The following PCDHA3 variants were observed in gnomAD, a reference collection of about 807,000 sequenced individuals.
PCDHA3 encodes protocadherin alpha 3.
In PCDHA3, 41 loss-of-function variants were observed where a neutral mutation model predicts 62.2. The observed-to-expected ratio is 0.66, with a 90% CI of 0.51 to 0.86. The LOEUF (loss-of-function observed/expected upper bound fraction) is 0.86, where lower values mean the gene tolerates loss of function less well. Among genes scored for constraint, PCDHA3 ranks in the 40% least tolerant of loss-of-function variants. The pLI is 0.00. For missense variants in PCDHA3, 1,304 were observed against 1,241.2 expected, an observed-to-expected ratio of 1.05 and a Z score of -0.76; for synonymous variants, 640 against 555.4, an observed-to-expected ratio of 1.15 and a Z score of -2.14.
chr5:140,916,469 T>C (rs1051023499), intron 1 of PCDHA3, among the ~76,000 whole-genome samples: 2 of 152,194 alleles, frequency 1.3e-5, no homozygotes, highest in African/African-American at 4.8e-5. Flanking sequence ...TGCTGGTTAT[T>C]TGGTGCCCAA....
At chr5:140,861,531 T>G (rs1219248238) in intron 1 of PCDHA3, 2 of 447,948 alleles carry the variant, frequency 4.5e-6, no homozygotes, top group Non-Finnish European at 9.2e-6. Flanking sequence ...GATCTCGGAG[T>G]GCAGCATCCA....
In PCDHA3 at chr5:141,010,341, T is replaced by C. The variant is rs199826290; in HGVS notation, c.*404T>C. ...GAGCAGCTTGGGAGTTTGTGGCCAC[T>C]GGGTATGTGTGGCTACCGCGGGTAT... is the stretch of plus-strand genomic sequence containing the variant. On this transcript the variant is annotated 3_prime_UTR_variant, in exon 4 of 4. Coordinates refer to ENST00000522353, the MANE Select transcript of PCDHA3 (RefSeq NM_018906.3). 1 of 1,503,238 alleles carries C rather than the reference T, an allele frequency of 6.7e-7. No homozygotes were observed. The highest frequency in any genetic ancestry group is 8.9e-7 in the Non-Finnish European group (1 of 1,119,606). The allele number at this position is 1,503,238 out of a possible 1,614,324, so 93.1% of individuals were successfully genotyped here. A position where few individuals can be genotyped will look rare whatever the true frequency, so the allele number is the denominator to read the frequency against.
At chr5:140,822,440 CAG>C (rs2150116452) in intron 1 of PCDHA3, 1 of 1,613,752 alleles carries the variant, frequency 6.2e-7, no homozygotes, top group Non-Finnish European at 8.5e-7. Flanking sequence ...CCCGAACTAA[CAG>C]GTACAGTTCA....
rs2150329918 is a variant in PCDHA3, at chr5:140,842,127, C to G, written c.2394+38536C>G. 7.9e-5 allele frequency: 127 copies of G among 1,612,886 alleles called. 5 individuals carry two copies. The South Asian group carries it at 8.9e-4, about 11-fold the overall frequency. ...GTTATCAAACTGAATGCTTCTGATC[C>G]GGATGAAGGAGCCAATGGGGCAATT... On this transcript the variant is annotated intron_variant, in intron 1 of 3. Coordinates refer to ENST00000522353, the MANE Select transcript of PCDHA3 (RefSeq NM_018906.3).
intron 1 of PCDHA3, among the ~76,000 whole-genome samples, chr5:140,880,775 ATGTT>A (rs1320602954): frequency 6.6e-6 from 1 of 152,230 alleles, no homozygotes; most frequent in Admixed American, 6.5e-5. Context: ...GCTAAAAAGA[ATGTT>A]AGAGGAGTAA....
chr5:140,841,970 G>C, intron 1 of PCDHA3: 6 of 1,613,902 alleles, frequency 3.7e-6, no homozygotes, highest in Non-Finnish European at 5.1e-6. Context: ...AGCCACAGAT[G>C]GGGGCAAACC....
In PCDHA3 at chr5:140,841,984, G is replaced by T. The variant is rs2150326870; in HGVS notation, c.2394+38393G>T. On this transcript the variant is annotated intron_variant, in intron 1 of 3. Coordinates refer to ENST00000522353, the MANE Select transcript of PCDHA3 (RefSeq NM_018906.3). ...CAGCCACAGATGGGGGCAAACCTGA[G>T]CTCACAGGCACTGTTCAGCTGCTGG... 5 of 1,613,848 alleles carry T rather than the reference G, an allele frequency of 3.1e-6. No homozygotes were observed. In the East Asian group the frequency reaches 1.1e-4, roughly 36 times the overall value.
At position 141,000,391 on chromosome 5, in the gene PCDHA3, CTCTCTATA is replaced by C. The variant is rs1374519322; in HGVS notation, c.2543-9234_2543-9227del. Reference sequence around the variant, plus strand: ...TCTCTCTCTCTCTCTCTCTCTCTCTCTCTCTATATATATATATATATATATATATATTT... The same window carrying C: ...TCTCTCTCTCTCTCTCTCTCTCTCTCTATATATATATATATATATATATTT... On this transcript the variant is annotated intron_variant, in intron 3 of 3. Transcript: ENST00000522353. Among the ~76,000 whole-genome samples the C allele has an allele frequency of 7.6e-3, 431 of 56,394 alleles. 1 individual carries two copies. The highest frequency in any genetic ancestry group is 0.013 in the African/African-American group (152 of 11,988). The allele number at this position is 56,394 out of a possible 152,430, so 37.0% of individuals were successfully genotyped here. A position where few individuals can be genotyped will look rare whatever the true frequency, so the allele number is the denominator to read the frequency against.
At chr5:140,833,540 G>A (rs1050312337) in intron 1 of PCDHA3, among the ~76,000 whole-genome samples, 6 of 152,094 alleles carry the variant, frequency 3.9e-5, no homozygotes, top group African/African-American at 1.4e-4. Flanking sequence ...GTGTTCGAAA[G>A]GATAGAATGA....
chr5:140,889,814 CATA>C (rs1463937516), intron 1 of PCDHA3, among the ~76,000 whole-genome samples: 6 of 152,048 alleles, frequency 3.9e-5, no homozygotes, highest in Non-Finnish European at 7.4e-5. Context: ...GAAGTCAGGT[CATA>C]AGAAGTCTTA....
chr5:140,824,004 G>A lies in PCDHA3; in HGVS notation c.2394+20413G>A, dbSNP rs2150131362. The A allele has an allele frequency of 1.3e-5, 21 of 1,613,988 alleles. No individual in the cohort carries two copies. The African/African-American group carries it at 2.4e-4, about 18-fold the overall frequency. ...AGCCCACTCTGTTGTGCTCCAGCGC[G>A]GTGGGGAGCTGGTCGTACTCGCAGC... On this transcript the variant is annotated intron_variant, in intron 1 of 3. Transcript: ENST00000522353.
intron 1 of PCDHA3, chr5:140,829,300 T>C (rs2150165566): frequency 6.2e-7 from 1 of 1,614,244 alleles, no homozygotes; most frequent in Non-Finnish European, 8.5e-7. Flanking sequence ...CCTTCAAGAA[T>C]TACTACTCGT....
intron 1 of PCDHA3, among the ~76,000 whole-genome samples, chr5:140,921,816 G>A (rs2080411020): frequency 6.6e-6 from 1 of 151,846 alleles, no homozygotes; most frequent in Non-Finnish European, 1.5e-5. Context: ...ATACATGTGT[G>A]AATATCTATA....
chr5:140,951,333 G>A (rs922078825), intron 1 of PCDHA3, among the ~76,000 whole-genome samples: 1 of 151,964 alleles, frequency 6.6e-6, no homozygotes, highest in African/African-American at 2.4e-5. Flanking sequence ...TCATCATTCT[G>A]TTTGTGTTAG....
chr5:140,829,246 G>C (rs2150164613), intron 1 of PCDHA3: 1 of 1,614,268 alleles, frequency 6.2e-7, no homozygotes. Context: ...ACGGGCAGGT[G>C]AACTGCTCGC....
At chr5:140,971,743 A>G (rs979953004) in intron 1 of PCDHA3, among the ~76,000 whole-genome samples, 1 of 151,474 alleles carries the variant, frequency 6.6e-6, no homozygotes, top group African/African-American at 2.4e-5. Flanking sequence ...ACACATACAT[A>G]TATCTCATAT....
intron 1 of PCDHA3, chr5:140,822,396 C>T (rs2150116013): frequency 1.9e-6 from 3 of 1,613,902 alleles, no homozygotes; most frequent in Non-Finnish European, 2.5e-6. Flanking sequence ...CACAAGAACA[C>T]CGTTTATTAG....
intron 1 of PCDHA3, among the ~76,000 whole-genome samples, chr5:140,887,340 CCT>C (rs1554183026): frequency 1.3e-5 from 2 of 152,144 alleles, no homozygotes; most frequent in African/African-American, 4.8e-5. Flanking sequence ...TCGTGATCCA[CCT>C]GGCTCGGCCT....
intron 1 of PCDHA3, chr5:140,928,467 A>G (rs782319281): frequency 6.2e-7 from 1 of 1,614,142 alleles, no homozygotes; most frequent in South Asian, 1.1e-5. Flanking sequence ...ATTTCCAAGT[A>G]GAAGGCCGGG....
Sources: gnomAD v4.1 joint callset for allele counts (sites outside exome capture counted in the v4.1 genomes callset) on GRCh38, gnomAD v4.1.1 for gene constraint, MANE v1.5 for transcripts, NCBI Gene and HGNC (gene_info 2026-07-23, HGNC 2026-07-21) for gene names.